TNRC6C: variants seen among roughly 807,000 people sequenced by gnomAD.
TNRC6C encodes trinucleotide repeat-containing gene 6C protein.
Under a neutral mutation model 153.7 loss-of-function variants are expected in TNRC6C, and 20 were observed. The ratio of observed to expected loss-of-function variants is 0.13; its 90% confidence interval spans 0.09 to 0.19. The LOEUF (loss-of-function observed/expected upper bound fraction) is 0.19. Ranked by LOEUF, TNRC6C falls within the 10% of genes least tolerant of loss-of-function variation. TNRC6C has a pLI of 1.00. For synonymous variants in TNRC6C, 811 were observed against 841.4 expected (o/e 0.96, Z 0.63); for missense variants, 1,987 against 2,172.0 (o/e 0.91, Z 1.69).
chr17:78,097,951 T>C (rs1257416036), intron 16 of TNRC6C, 90 bp downstream of exon 19: 2 of 1,090,348 alleles, frequency 1.8e-6, no homozygotes, highest in Non-Finnish European at 2.6e-6. Flanking sequence ...CTATTGGCTC[T>C]TTACTCACTC....
chr17:77,993,820 T>G (rs9907494), intron 1 of TNRC6C, among the ~76,000 whole-genome samples: 2,327 of 152,306 alleles, frequency 0.015, 70 homozygotes, highest in African/African-American at 0.053. Context: ...TGTGAAATAT[T>G]GACAAGCTTC....
At chr17:78,107,159 C>T (rs927583084) in exon 20 of TNRC6C, 2 of 152,118 alleles carry the variant, frequency 1.3e-5, no homozygotes, top group African/African-American at 2.4e-5. Flanking sequence ...CCCGTGCTGC[C>T]GGCGAGCATT....
chr17:78,079,555 C>A lies in TNRC6C; in HGVS notation c.3357+14C>A. The A allele has an allele frequency of 1.9e-6, 3 of 1,613,416 alleles. No homozygotes were observed. Among genetic ancestry groups the A allele is most frequent in the Non-Finnish European group, 2.5e-6 (3 of 1,179,502 alleles). ...CTATCCCCTCAGGTCAGACCCACATCCAAGCAGGACTGAGCAACAGGATAT... is the reference window on the plus strand; with the variant it reads ...CTATCCCCTCAGGTCAGACCCACATACAAGCAGGACTGAGCAACAGGATAT... On this transcript the variant is annotated intron_variant, in intron 10 of 19. Coordinates refer to ENST00000301624, the Ensembl canonical transcript of TNRC6C. The surrounding 1 kb of genome is among the most constrained non-coding windows in gnomAD (Gnocchi z 4.3).
upstream of TNRC6C, chr17:78,004,067 C>T (rs957127529): frequency 8.2e-6 from 10 of 1,225,798 alleles, no homozygotes; most frequent in African/African-American, 1.6e-5. Context: ...TCCTGTATAC[C>T]ATATGCGAAA....
Position 78,017,776 on chromosome 17 carries a change from C to T in TNRC6C, c.-546+12697C>T, listed in dbSNP as rs955654038. Among the ~76,000 whole-genome samples the T allele has an allele frequency of 3.9e-5, 6 of 152,336 alleles. 1 individual carries two copies. The highest frequency in any genetic ancestry group is 1.9e-4 in the East Asian group (1 of 5,188). On this transcript the variant is annotated intron_variant, in intron 1 of 19. Coordinates refer to ENST00000301624, the Ensembl canonical transcript of TNRC6C. ...AACAACCCTGCTAGGCTTCAGCCCC[C>T]GAAGGCGAGAAGCTCTTTTCCATTT...
At chr17:77,998,731 G>A (rs1254942818) in intron 1 of TNRC6C, among the ~76,000 whole-genome samples, 1 of 152,162 alleles carries the variant, frequency 6.6e-6, no homozygotes, top group Non-Finnish European at 1.5e-5. Flanking sequence ...TAAAGCCATT[G>A]TCTGATAATT....
intron 2 of TNRC6C, among the ~76,000 whole-genome samples, chr17:78,048,296 T>G (rs1471229190): frequency 6.6e-6 from 1 of 152,204 alleles, no homozygotes; most frequent in Non-Finnish European, 1.5e-5. Context: ...TCATATGTCT[T>G]TTCTCTCTTT....
chr17:78,093,101 G>T, exon 15 of TNRC6C: 1 of 1,613,010 alleles, frequency 6.2e-7, no homozygotes, highest in South Asian at 1.1e-5. Context: ...ATCTCAAATG[G>T]CTCTAGCATC....
At chr17:78,069,146 T>G (rs528834487) in intron 5 of TNRC6C, among the ~76,000 whole-genome samples, 4 of 152,036 alleles carry the variant, frequency 2.6e-5, no homozygotes, top group Admixed American at 6.5e-5. Flanking sequence ...TGGAAAAATA[T>G]GTTTATAACT....
intron 9 of TNRC6C, among the ~76,000 whole-genome samples, chr17:78,078,902 C>T (rs2073130150): frequency 6.6e-6 from 1 of 152,058 alleles, no homozygotes; most frequent in Admixed American, 6.6e-5. Context: ...ACCAGCTTGG[C>T]CAACATGGTG....
At chr17:77,999,991 G>A (rs890192105), upstream of TNRC6C, among the ~76,000 whole-genome samples, 4 of 152,190 alleles carry the variant, frequency 2.6e-5, no homozygotes, top group African/African-American at 9.6e-5. Flanking sequence ...TTATACAAAA[G>A]TGTGGAAATC....
At chr17:78,017,791 C>T (rs956744994) in intron 1 of TNRC6C, among the ~76,000 whole-genome samples, 17 of 152,226 alleles carry the variant, frequency 1.1e-4, no homozygotes, top group African/African-American at 4.1e-4. Flanking sequence ...GCGAGAAGCT[C>T]TTTTCCATTT....
rs554054511 is a variant in TNRC6C at position 78,011,800 on chromosome 17, A to T, written c.-546+6721A>T. Among the ~76,000 whole-genome samples the T allele has an allele frequency of 2.0e-5, 3 of 152,262 alleles. 1 individual carries two copies. The highest frequency in any genetic ancestry group is 4.1e-4 in the South Asian group (2 of 4,834). On this transcript the variant is annotated intron_variant, in intron 1 of 19. Coordinates refer to ENST00000301624, the Ensembl canonical transcript of TNRC6C. ...TGTTTATACTGTTTCACAGTTCTGC[A>T]TCTTCACCAATGTGTGGTATGGTCA...
upstream of TNRC6C, among the ~76,000 whole-genome samples, chr17:78,000,746 T>G (rs1427055237): frequency 6.6e-6 from 1 of 151,244 alleles, no homozygotes; most frequent in Non-Finnish European, 1.5e-5. Context: ...CGAGAAACAT[T>G]TACAATTTCT....
At position 77,974,378 on chromosome 17, in the gene TNRC6C, G is replaced by A. The variant is rs543835842; in HGVS notation, c.-38+15110G>A. 2.0e-5 allele frequency among the ~76,000 whole-genome samples: 3 copies of A among 152,146 alleles called. No individual in the cohort carries two copies. In the South Asian group the frequency reaches 6.2e-4, roughly 32 times the overall value. ...TTAATTTGTCTATTCCTAGGAATTT[G>A]TACTTTCATCTAAATCATCTTTTGT... On this transcript the variant is annotated intron_variant, in intron 1 of 22. Transcript: ENST00000636222.
chr17:78,027,546 A>G (rs1451444724), intron 1 of TNRC6C, among the ~76,000 whole-genome samples: 1 of 152,138 alleles, frequency 6.6e-6, no homozygotes, highest in East Asian at 1.9e-4. Flanking sequence ...CCAAGACCCA[A>G]TCTTATGTTT....
chr17:78,059,620 G>A (rs886076780), intron 3 of TNRC6C, among the ~76,000 whole-genome samples: 3 of 152,206 alleles, frequency 2.0e-5, no homozygotes, highest in South Asian at 2.1e-4. Flanking sequence ...GGCTGAGCCA[G>A]GTGGGTTGCT....
At chr17:77,963,324 T>C (rs965282354) in intron 1 of TNRC6C, among the ~76,000 whole-genome samples, 1 of 152,202 alleles carries the variant, frequency 6.6e-6, no homozygotes, top group African/African-American at 2.4e-5. Context: ...AATGGTACAG[T>C]TTCCTATTGT....
intron 1 of TNRC6C, among the ~76,000 whole-genome samples, chr17:78,030,296 C>T (rs567350421): frequency 6.6e-6 from 1 of 151,766 alleles, no homozygotes; most frequent in African/African-American, 2.4e-5. Flanking sequence ...ATTACCCGTA[C>T]CTGCCACCAC....
Sources: allele counts gnomAD v4.1 joint callset (sites outside exome capture counted in the v4.1 genomes callset), GRCh38; gene constraint gnomAD v4.1.1; non-coding constraint Gnocchi (gnomAD v3.1); transcripts MANE v1.5; gene names NCBI Gene and HGNC (gene_info 2026-07-23, HGNC 2026-07-21).